CASD1: variants seen among roughly 807,000 people sequenced by gnomAD.
CASD1 encodes CAS1 domain sialic acid O acetyltransferase 1, also known as N-acetylneuraminate (7)9-O-acetyltransferase.
CASD1 carries 41 observed loss-of-function variants against 100.0 expected under a neutral mutation model. That is an observed-to-expected ratio of 0.41 (90% CI 0.32 to 0.53). The LOEUF (loss-of-function observed/expected upper bound fraction) is 0.53. Among genes scored for constraint, CASD1 ranks in the 20% least tolerant of loss-of-function variants. CASD1 has a pLI of 0.25. For synonymous variants in CASD1, 321 were observed against 315.6 expected (o/e 1.02, Z -0.18); for missense variants, 774 against 948.7 (o/e 0.82, Z 2.42).
At chr7:94,599,588 AT>A in the CASD1 span, 1 of 870,598 alleles carries the variant, frequency 1.1e-6, no homozygotes. Context: ...GAAATAAACT[AT>A]GAAAGATGAC....
the CASD1 span, chr7:94,599,231 T>A: frequency 5.8e-6 from 2 of 343,398 alleles, no homozygotes; most frequent in Non-Finnish European, 1.0e-5. Flanking sequence ...CTGTCCTAAG[T>A]AACCAACTAG....
chr7:94,602,220 GATTGAACA>G, the CASD1 span, among the ~76,000 whole-genome samples: 1 of 152,148 alleles, frequency 6.6e-6, no homozygotes, highest in South Asian at 2.1e-4. Context: ...TTAGCACCAT[GATTGAACA>G]AATTTTCCTA....
the CASD1 span, among the ~76,000 whole-genome samples, chr7:94,582,235 A>C: frequency 6.6e-6 from 1 of 152,272 alleles, no homozygotes; most frequent in South Asian, 2.1e-4. Context: ...CTCTTGCCTC[A>C]GCCTTCCAAG....
chr7:94,549,465 G>A, intron 13 of CASD1, 68 bp from the exon 14 acceptor site: 2 of 1,085,276 alleles, frequency 1.8e-6, no homozygotes, highest in East Asian at 2.4e-5. Context: ...ACTATAATCT[G>A]TAATAGAATT....
the CASD1 span, among the ~76,000 whole-genome samples, chr7:94,631,081 G>A: frequency 6.6e-6 from 1 of 151,914 alleles, no homozygotes; most frequent in Non-Finnish European, 1.5e-5. Context: ...GTGTAACAGA[G>A]GGAAGGAAGC....
chr7:94,542,305 C>T (rs1275989070), intron 10 of CASD1, among the ~76,000 whole-genome samples: 5 of 152,142 alleles, frequency 3.3e-5, no homozygotes, highest in Admixed American at 6.5e-5. Context: ...ACATTCACTG[C>T]ATGTGGCTAT....
chr7:94,624,093 G>C, the CASD1 span: 1 of 394,802 alleles, frequency 2.5e-6, no homozygotes, highest in Non-Finnish European at 4.5e-6. Context: ...ACAGGATATG[G>C]CTTCAAAACT....
intron 12 of CASD1, 82 bp from the exon 13 acceptor site, chr7:94,547,014 G>A (rs1180261968): frequency 6.3e-6 from 5 of 790,384 alleles, no homozygotes; most frequent in South Asian, 1.9e-5. Flanking sequence ...TATTCAGCAT[G>A]TACATATATC....
At chr7:94,628,461 T>C in the CASD1 span, 5 of 975,090 alleles carry the variant, frequency 5.1e-6, no homozygotes, top group Admixed American at 2.1e-5. Flanking sequence ...TTTTCTTACA[T>C]TTGTAGCCAA....
chr7:94,603,705 C>G, the CASD1 span, among the ~76,000 whole-genome samples: 9 of 152,040 alleles, frequency 5.9e-5, no homozygotes, highest in Non-Finnish European at 1.3e-4. Context: ...TTTCTAAAAA[C>G]TTTATTTCAT....
At chr7:94,544,767 A>G (rs1795594903) in intron 11 of CASD1, among the ~76,000 whole-genome samples, 3 of 152,176 alleles carry the variant, frequency 2.0e-5, no homozygotes, top group Non-Finnish European at 4.4e-5. Flanking sequence ...AGGAGACAGC[A>G]TTGCTGATTC....
chr7:94,586,923 A>G, the CASD1 span: 1 of 983,480 alleles, frequency 1.0e-6, no homozygotes, highest in Non-Finnish European at 1.2e-6. Flanking sequence ...TCACTAAATA[A>G]AACAATAACA....
rs1231356996 is a variant in CASD1 at position 94,527,150 on chromosome 7, C to T, written c.352-12C>T. ...CTATACATTAATATTTCTCTGTCTC[C>T]TTTTATGGCAGCATGAAAACATTCC... On this transcript the variant is annotated splice_polypyrimidine_tract_variant and intron_variant, in intron 3 of 17. Transcript: ENST00000297273. 3 of 1,601,746 alleles carry T rather than the reference C, an allele frequency of 1.9e-6. No individual in the cohort carries two copies. The highest frequency in any genetic ancestry group is 1.3e-5 in the African/African-American group (1 of 74,610).
chr7:94,584,094 T>C, the CASD1 span, among the ~76,000 whole-genome samples: 1 of 152,250 alleles, frequency 6.6e-6, no homozygotes, highest in South Asian at 2.1e-4. Context: ...AAACCAATGC[T>C]AATTCCAACT....
the CASD1 span, chr7:94,586,856 TA>T: frequency 1.0e-4 from 100 of 974,850 alleles, no homozygotes; most frequent in Non-Finnish European, 1.1e-4. Context: ...TGCATAATTA[TA>T]AAAAAAAATG....
the CASD1 span, among the ~76,000 whole-genome samples, chr7:94,603,746 A>T: frequency 6.6e-6 from 1 of 151,536 alleles, no homozygotes; most frequent in African/African-American, 2.4e-5. Flanking sequence ...ATAAACATGC[A>T]TCATATTCTG....
chr7:94,552,096 A>G (rs551423897), intron 15 of CASD1: 2 of 408,206 alleles, frequency 4.9e-6, no homozygotes, highest in Non-Finnish European at 8.6e-6. Flanking sequence ...ATGGAGAGCC[A>G]TCACTGCCTT....
At chr7:94,533,870 T>G (rs528209082) in intron 7 of CASD1, 68 bp downstream of exon 7, 24 of 1,348,334 alleles carry the variant, frequency 1.8e-5, no homozygotes, top group Non-Finnish European at 2.4e-5. Context: ...TATTATCTCC[T>G]GTTTCAAGAA....
intron 1 of CASD1, 54 bp from the exon 2 acceptor site, chr7:94,517,506 G>A (rs763755193): frequency 1.2e-5 from 13 of 1,093,984 alleles, no homozygotes; most frequent in Middle Eastern, 2.1e-4. Context: ...CAAGATAGCC[G>A]ATGTGTAAAA....
Sources: allele counts gnomAD v4.1 joint callset (sites outside exome capture counted in the v4.1 genomes callset), GRCh38; gene constraint gnomAD v4.1.1; transcripts MANE v1.5; gene names NCBI Gene and HGNC (gene_info 2026-07-23, HGNC 2026-07-21).